AATF: variants seen among roughly 807,000 people sequenced by gnomAD.
AATF encodes the protein apoptosis antagonizing transcription factor, also known as protein AATF.
Under a neutral mutation model 63.7 loss-of-function variants are expected in AATF, and 48 were observed. That is an observed-to-expected ratio of 0.75 (90% CI 0.60 to 0.96). The LOEUF (loss-of-function observed/expected upper bound fraction) is 0.96, where lower values mean the gene tolerates loss of function less well. Ranked by LOEUF, AATF falls within the 40% of genes least tolerant of loss-of-function variation. The pLI is 0.00. For missense variants in AATF, 639 were observed against 685.7 expected (o/e 0.93, Z 0.76); for synonymous variants, 258 against 247.7 (o/e 1.04, Z -0.39).
intron 4 of AATF, among the ~76,000 whole-genome samples, chr17:36,967,447 T>A (rs2070999702): frequency 6.6e-6 from 1 of 152,208 alleles, no homozygotes; most frequent in African/African-American, 2.4e-5. Context: ...GCTAAATCTC[T>A]TCTCAAGTCT....
rs909047085 is a variant in AATF at position 37,021,819 on chromosome 17, A to AAAT, written c.1547+826_1547+828dup. On this transcript the variant is annotated intron_variant, in intron 10 of 11. Coordinates refer to ENST00000619387, the MANE Select transcript of AATF (RefSeq NM_012138.4). Reference sequence around the variant, plus strand: ...GACTCCGTCTCAAAAAAAAAAAAAAAAATAATAATAATAATAATAATAAAT... The same window carrying AAAT: ...GACTCCGTCTCAAAAAAAAAAAAAAAAATAATAATAATAATAATAATAATAAAT... 5.8e-4 allele frequency among the ~76,000 whole-genome samples: 56 copies of AAAT among 96,496 alleles called. 2 individuals carry two copies. The highest frequency in any genetic ancestry group is 1.8e-3 in the South Asian group (7 of 3,998). The allele number at this position is 96,496 out of a possible 152,430, so 63.3% of individuals were successfully genotyped here. A position where few individuals can be genotyped will look rare whatever the true frequency, so the allele number is the denominator to read the frequency against.
At chr17:36,990,295 A>G (rs1393919266) in intron 7 of AATF, among the ~76,000 whole-genome samples, 2 of 152,162 alleles carry the variant, frequency 1.3e-5, no homozygotes, top group African/African-American at 2.4e-5. Context: ...ATGGATATGC[A>G]CTATCATTTA....
At chr17:36,960,676 A>G (rs1361494209) in intron 4 of AATF, among the ~76,000 whole-genome samples, 2 of 152,158 alleles carry the variant, frequency 1.3e-5, no homozygotes, top group Non-Finnish European at 2.9e-5. Context: ...AGTTCTCACA[A>G]TGTTCTGTAG....
intron 4 of AATF, among the ~76,000 whole-genome samples, chr17:36,969,549 T>C (rs756615644): frequency 6.6e-6 from 1 of 152,242 alleles, no homozygotes; most frequent in Non-Finnish European, 1.5e-5. Context: ...ATTCTGTTTC[T>C]GGACTGTAAG....
chr17:36,950,543 A>G, intron 2 of AATF, 138 bp downstream of exon 2: 1 of 903,944 alleles, frequency 1.1e-6, no homozygotes, highest in Non-Finnish European at 1.6e-6. Flanking sequence ...CTTGTTGCCC[A>G]GGCTGGAGTG....
At chr17:36,954,582 A>G (rs1406720138) in intron 4 of AATF, among the ~76,000 whole-genome samples, 1 of 152,236 alleles carries the variant, frequency 6.6e-6, no homozygotes, top group Admixed American at 6.5e-5. Context: ...TAGAGTGAGG[A>G]AAGATGATAT....
intron 10 of AATF, chr17:37,031,405 C>A: frequency 1.7e-6 from 1 of 592,506 alleles, no homozygotes; most frequent in Non-Finnish European, 3.0e-6. Context: ...CATAGAGAGT[C>A]CTGGAACCAT....
intron 4 of AATF, among the ~76,000 whole-genome samples, chr17:36,956,979 G>GA (rs146560113): frequency 0.024 from 3,493 of 145,568 alleles, 139 homozygotes; most frequent in African/African-American, 0.084. Flanking sequence ...TGTCCCCCCC[G>GA]AAAAAAAAAA....
rs189405790 is a variant in AATF, at chr17:37,031,222, G to A, written c.1548-392G>A. On this transcript the variant is annotated intron_variant, in intron 10 of 11. Coordinates refer to ENST00000619387, the MANE Select transcript of AATF (RefSeq NM_012138.4). Reference sequence around the variant, plus strand: ...GTGAACAAGTGCAGACTTTTTTCTCGTCATTATTCCCTGAACAATACATTG... The same window carrying A: ...GTGAACAAGTGCAGACTTTTTTCTCATCATTATTCCCTGAACAATACATTG... The A allele has an allele frequency of 2.2e-4, 38 of 174,480 alleles. No individual in the cohort carries two copies. The East Asian group carries it at 2.6e-3, about 12-fold the overall frequency. 10.8% of individuals were successfully genotyped at this position (174,480 alleles called of 1,614,324 possible). A position where few individuals can be genotyped will look rare whatever the true frequency, so the allele number is the denominator to read the frequency against.
At chr17:36,984,529 G>A (rs2071151703) in intron 4 of AATF, among the ~76,000 whole-genome samples, 1 of 152,202 alleles carries the variant, frequency 6.6e-6, no homozygotes, top group African/African-American at 2.4e-5. Context: ...AGGTGTCTGA[G>A]TACTTTCAAC....
At chr17:37,044,938 C>T (rs1364866515) in intron 11 of AATF, among the ~76,000 whole-genome samples, 3 of 152,140 alleles carry the variant, frequency 2.0e-5, no homozygotes, top group South Asian at 2.1e-4. Context: ...TTATAGCTTT[C>T]GGTCAGTGTT....
At chr17:36,986,776 G>A in intron 5 of AATF, 45 bp downstream of exon 5, 1 of 1,486,738 alleles carries the variant, frequency 6.7e-7, no homozygotes, top group South Asian at 1.1e-5. Flanking sequence ...TTTTCATTTG[G>A]ATAGTTTCCC....
intron 10 of AATF, among the ~76,000 whole-genome samples, chr17:37,025,134 C>T (rs1030317826): frequency 5.1e-4 from 78 of 152,164 alleles, no homozygotes; most frequent in African/African-American, 1.8e-3. Flanking sequence ...TGGAATGACT[C>T]CCAGAGTTTC....
chr17:36,989,286 G>A lies in AATF; in HGVS notation c.1189G>A (p.Asp397Asn), dbSNP rs370934170. 14 of 1,613,600 alleles carry A rather than the reference G, an allele frequency of 8.7e-6. No homozygotes were observed. The highest frequency in any genetic ancestry group is 2.7e-5 in the African/African-American group (2 of 74,884). ...TGAACGCTCAATCTTGACTCAGATC[G>A]ACCATATTCTGATGGACAAAGAGAG... The part of the protein sequence containing the change: ...AFERSILTQI[D>N]HILMDKERLL... Residue 397 changes from aspartate to asparagine, a missense_variant, in exon 7 of 12, where the codon GAC becomes AAC. Coordinates refer to ENST00000619387, the MANE Select transcript of AATF (RefSeq NM_012138.4).
At chr17:36,994,282 AC>A (rs2071237629) in intron 8 of AATF, among the ~76,000 whole-genome samples, 1 of 152,226 alleles carries the variant, frequency 6.6e-6, no homozygotes, top group Non-Finnish European at 1.5e-5. Context: ...CTGTAGTATT[AC>A]AGTTTTCACT....
At chr17:36,995,370 T>G (rs1217045364) in intron 8 of AATF, among the ~76,000 whole-genome samples, 11 of 152,152 alleles carry the variant, frequency 7.2e-5, no homozygotes, top group Admixed American at 7.2e-4. Flanking sequence ...GTCGATAATG[T>G]TGAGAAATAG....
chr17:37,051,451 A>T (rs1416857937), intron 11 of AATF, among the ~76,000 whole-genome samples: 1 of 152,168 alleles, frequency 6.6e-6, no homozygotes, highest in East Asian at 1.9e-4. Context: ...CGTGAAAGAC[A>T]GTGATCTGTA....
At chr17:37,001,408 G>GAAGGA (rs1555650708) in intron 8 of AATF, among the ~76,000 whole-genome samples, 2 of 94,160 alleles carry the variant, frequency 2.1e-5, no homozygotes, top group East Asian at 3.6e-4. Flanking sequence ...AGGGAGGGAG[G>GAAGGA]AAGGAAGGAA....
chr17:37,020,398 A>G (rs1422494125), intron 9 of AATF, among the ~76,000 whole-genome samples: 1 of 151,862 alleles, frequency 6.6e-6, no homozygotes. Flanking sequence ...TATAGATGAA[A>G]TGAAAATTAA....
Sources: allele counts gnomAD v4.1 joint callset (sites outside exome capture counted in the v4.1 genomes callset), GRCh38; gene constraint gnomAD v4.1.1; transcripts MANE v1.5; gene names NCBI Gene and HGNC (gene_info 2026-07-23, HGNC 2026-07-21).